Variants in LRRC69 observed in about 807,000 individuals in gnomAD.
LRRC69 encodes the protein leucine-rich repeat-containing protein 69.
LRRC69 carries 42 observed loss-of-function variants against 37.8 expected under a neutral mutation model. The observed-to-expected ratio is 1.11, with a 90% CI of 0.87 to 1.44. The LOEUF (loss-of-function observed/expected upper bound fraction) is 1.44. LRRC69 is among the 40% of genes most tolerant of loss of function. The pLI is 0.00. For synonymous variants in LRRC69, 141 were observed against 143.1 expected (o/e 0.99, Z 0.11); for missense variants, 357 against 401.9 (o/e 0.89, Z 0.96).
chr8:91,118,742 G>T (rs1459323557), intron 1 of LRRC69, among the ~76,000 whole-genome samples: 1 of 152,002 alleles, frequency 6.6e-6, no homozygotes, highest in Non-Finnish European at 1.5e-5. Flanking sequence ...TTATCAAATA[G>T]TTGTCTGTCA....
At chr8:91,181,766 A>G (rs1809329482) in intron 5 of LRRC69, among the ~76,000 whole-genome samples, 1 of 152,172 alleles carries the variant, frequency 6.6e-6, no homozygotes, top group Admixed American at 6.5e-5. Flanking sequence ...TGATGAATGG[A>G]ATTAGGCATA....
At chr8:91,139,997 A>C (rs2130526728) in intron 5 of LRRC69, among the ~76,000 whole-genome samples, 1 of 151,212 alleles carries the variant, frequency 6.6e-6, no homozygotes, top group East Asian at 2.0e-4. Context: ...CTGAGGCCAG[A>C]GAATTGCTTG....
At chr8:91,205,111 T>G (rs73697142) in intron 7 of LRRC69, among the ~76,000 whole-genome samples, 191 of 152,250 alleles carry the variant, frequency 1.3e-3, no homozygotes, top group African/African-American at 4.4e-3. Context: ...TTATTACTTT[T>G]CAGGGCAAAA....
At chr8:91,131,435 A>G (rs78489448) in intron 3 of LRRC69, among the ~76,000 whole-genome samples, 3,256 of 152,010 alleles carry the variant, frequency 0.021, 114 homozygotes, top group African/African-American at 0.074. Context: ...TATTGAATCT[A>G]TAGATCAATA....
chr8:91,190,218 C>G (rs543108204), intron 6 of LRRC69, among the ~76,000 whole-genome samples: 1 of 150,220 alleles, frequency 6.7e-6, no homozygotes, highest in Non-Finnish European at 1.5e-5. Flanking sequence ...TGTATGGGAT[C>G]AACTTTCCTG....
At chr8:91,218,183 T>C (rs1379651409) in intron 7 of LRRC69, among the ~76,000 whole-genome samples, 1 of 152,196 alleles carries the variant, frequency 6.6e-6, no homozygotes, top group East Asian at 1.9e-4. Flanking sequence ...ATTTCCCAGT[T>C]ACCAGTTGTG....
intron 1 of LRRC69, among the ~76,000 whole-genome samples, chr8:91,114,106 AGT>A (rs1271301472): frequency 6.6e-6 from 1 of 151,964 alleles, no homozygotes; most frequent in Non-Finnish European, 1.5e-5. Context: ...GCAAAACAAA[AGT>A]GAAGTATTAT....
chr8:91,149,766 AG>A (rs1014038518), intron 5 of LRRC69, among the ~76,000 whole-genome samples: 10 of 151,918 alleles, frequency 6.6e-5, no homozygotes, highest in African/African-American at 2.4e-4. Context: ...TTCATTGAGC[AG>A]TGGTTTGTAG....
At chr8:91,213,180 G>A (rs190264701) in intron 7 of LRRC69, among the ~76,000 whole-genome samples, 2 of 152,272 alleles carry the variant, frequency 1.3e-5, no homozygotes, top group South Asian at 2.1e-4. Context: ...CACTGTGTGG[G>A]GAAGGGAATG....
At chr8:91,133,159 A>G in exon 4 of LRRC69, 2 of 1,536,674 alleles carry the variant, frequency 1.3e-6, no homozygotes, top group Non-Finnish European at 1.8e-6. Context: ...ACTAGCCAGC[A>G]TTCCTAGAGA....
At chr8:91,131,403 C>T (rs1813807059) in intron 3 of LRRC69, among the ~76,000 whole-genome samples, 2 of 151,708 alleles carry the variant, frequency 1.3e-5, no homozygotes, top group Admixed American at 1.3e-4. Context: ...AAAAAGCTGT[C>T]AAAATTTGTA....
intron 5 of LRRC69, among the ~76,000 whole-genome samples, chr8:91,186,070 A>T (rs1223247808): frequency 3.3e-5 from 5 of 152,186 alleles, no homozygotes; most frequent in Non-Finnish European, 7.3e-5. Context: ...CAATTATAAA[A>T]ATTTACCAAG....
chr8:91,117,438 T>C (rs1469954999), intron 1 of LRRC69, among the ~76,000 whole-genome samples: 1 of 151,782 alleles, frequency 6.6e-6, no homozygotes, highest in African/African-American at 2.4e-5. Flanking sequence ...TTGGCCGCCA[T>C]AGGTTTATGA....
chr8:91,180,756 G>C (rs139160633), intron 5 of LRRC69, among the ~76,000 whole-genome samples: 1 of 152,230 alleles, frequency 6.6e-6, no homozygotes, highest in Admixed American at 6.5e-5. Context: ...TAGTTTAGAG[G>C]GAATGAGGGT....
At chr8:91,128,918 T>C (rs959015417) in intron 3 of LRRC69, among the ~76,000 whole-genome samples, 1 of 151,760 alleles carries the variant, frequency 6.6e-6, no homozygotes, top group African/African-American at 2.4e-5. Context: ...GTGAATGGGG[T>C]GGTATATTTA....
intron 7 of LRRC69, among the ~76,000 whole-genome samples, chr8:91,206,061 T>C (rs915053794): frequency 6.6e-6 from 1 of 152,246 alleles, no homozygotes; most frequent in Non-Finnish European, 1.5e-5. Flanking sequence ...TCAAGGAATT[T>C]AAGAACCATT....
At chr8:91,215,450 C>T (rs1810026641) in intron 7 of LRRC69, among the ~76,000 whole-genome samples, 1 of 151,974 alleles carries the variant, frequency 6.6e-6, no homozygotes, top group African/African-American at 2.4e-5. Flanking sequence ...CTCAATTCTA[C>T]CATTCAACAA....
chr8:91,124,185 C>T (rs1474246269), intron 1 of LRRC69, among the ~76,000 whole-genome samples: 1 of 151,892 alleles, frequency 6.6e-6, no homozygotes, highest in African/African-American at 2.4e-5. Flanking sequence ...TTAAATTGTT[C>T]AAATGATTTA....
At position 91,186,778 on chromosome 8, in the gene LRRC69, C is replaced by T. The variant is rs148452924; in HGVS notation, c.652-2744C>T. Among the ~76,000 whole-genome samples the T allele has an allele frequency of 2.8e-4, 43 of 151,782 alleles. No individual in the cohort carries two copies. The East Asian group carries it at 3.7e-3, about 13-fold the overall frequency. ...AAGGTGGGGTGGGTAGTGGGTGTGG[C>T]CAGGAGTAGGAGAAGATTGTGTGGG... On this transcript the variant is annotated intron_variant, in intron 5 of 7. Transcript: ENST00000448384.
Sources: gnomAD v4.1 joint callset for allele counts (sites outside exome capture counted in the v4.1 genomes callset) on GRCh38, gnomAD v4.1.1 for gene constraint, MANE v1.5 for transcripts, NCBI Gene and HGNC (gene_info 2026-07-23, HGNC 2026-07-21) for gene names.